UBE3B: variants seen among roughly 807,000 people sequenced by gnomAD.
UBE3B encodes ubiquitin protein ligase E3B, also known as ubiquitin-protein ligase E3B.
In UBE3B, 80 loss-of-function variants were observed where a neutral mutation model predicts 132.3. The ratio of observed to expected loss-of-function variants is 0.60; its 90% CI spans 0.50 to 0.73. The LOEUF (loss-of-function observed/expected upper bound fraction) is 0.73, where lower values mean the gene tolerates loss of function less well. Ranked by LOEUF, UBE3B falls within the 30% of genes least tolerant of loss-of-function variation. The pLI, the probability that UBE3B is intolerant of heterozygous loss-of-function variation, is 0.00. For missense variants in UBE3B, 1,196 were observed against 1,362.5 expected, an observed-to-expected ratio of 0.88 and a Z score of 1.92; for synonymous variants, 487 against 520.4, an observed-to-expected ratio of 0.94 and a Z score of 0.87.
Position 109,503,092 on chromosome 12 carries a change from G to A in UBE3B, c.1352G>A (p.Arg451Gln), listed in dbSNP as rs373048861. The change falls in exon 14 of 28, where the codon CGG becomes CAG. Residue 451 changes from arginine (R) to glutamine (Q), a missense_variant. Physicochemically the swap from Arg to Gln is conservative, Grantham distance 43. Transcript: ENST00000342494. ...RNILRPVGGK[R>Q]VDSAEVQKVC... ...ATTCTCAGGCCTGTCGGGGGTAAAC[G>A]GGTCGACTCTGCAGAAGTCCAGAAG... The A allele has an allele frequency of 5.0e-6, 8 of 1,614,038 alleles. No homozygotes were observed. The highest frequency in any genetic ancestry group is 1.3e-5 in the African/African-American group (1 of 74,912).
At chr12:109,526,563 G>A in intron 24 of UBE3B, 147 bp downstream of exon 24, 1 of 842,674 alleles carries the variant, frequency 1.2e-6, no homozygotes, top group East Asian at 2.7e-5. Context: ...ACAGTTCATA[G>A]GCCAGAATTG....
chr12:109,500,504 T>G (rs1338158899), intron 12 of UBE3B, among the ~76,000 whole-genome samples: 3 of 152,178 alleles, frequency 2.0e-5, no homozygotes, highest in Non-Finnish European at 4.4e-5. Context: ...TTGTTGTACC[T>G]GAGTGACATC....
At chr12:109,493,279 G>C (rs1378132778) in intron 9 of UBE3B, among the ~76,000 whole-genome samples, 1 of 152,168 alleles carries the variant, frequency 6.6e-6, no homozygotes, top group Non-Finnish European at 1.5e-5. Flanking sequence ...GGCAGACACA[G>C]TGAAGGTCAG....
chr12:109,508,398 C>T (rs368155159), intron 15 of UBE3B: 18 of 455,418 alleles, frequency 4.0e-5, no homozygotes, highest in Admixed American at 6.4e-5. Context: ...AAAAAAACAG[C>T]GTCAAATACT....
chr12:109,530,026 C>T lies in UBE3B; in HGVS notation c.2764C>T (p.Arg922Cys), dbSNP rs202144137. 364 of 1,613,856 alleles carry T rather than the reference C, an allele frequency of 2.3e-4. 1 individual carries two copies. The highest frequency in any genetic ancestry group is 5.0e-5 in the Admixed American group (3 of 59,986). ...AATGTTCTCAACTCCTGAACTGCAG[C>T]GTCTCATCTCTGGCGACAATGCTGA... ...IRMFSTPELQ[R>C]LISGDNAEID... The change falls in exon 25 of 28, where the codon CGT becomes TGT. Residue 922 changes from arginine (R) to cysteine (C), a missense_variant. Transcript: ENST00000342494.
chr12:109,493,118 AG>A (rs1211685849), intron 9 of UBE3B, among the ~76,000 whole-genome samples: 1 of 152,226 alleles, frequency 6.6e-6, no homozygotes. Flanking sequence ...TCATACTTCT[AG>A]GGAAGTTATG....
chr12:109,525,195 C>T (rs1466633513), intron 23 of UBE3B, among the ~76,000 whole-genome samples: 1 of 152,194 alleles, frequency 6.6e-6, no homozygotes, highest in Non-Finnish European at 1.5e-5. Flanking sequence ...TGGGCCCAGT[C>T]TGTAAGCACC....
chr12:109,490,974 T>C (rs1877375760), intron 8 of UBE3B, 71 bp from the exon 9 acceptor site: 2 of 1,519,656 alleles, frequency 1.3e-6, no homozygotes, highest in Admixed American at 1.8e-5. Flanking sequence ...CAGTTTACTT[T>C]TTTGCTCTTT....
rs1881806421 is a variant in UBE3B, at chr12:109,522,299, G to A, written c.2364+748G>A. On this transcript the variant is annotated intron_variant, in intron 21 of 27. Coordinates refer to ENST00000342494, the MANE Select transcript of UBE3B (RefSeq NM_130466.4). The surrounding 1 kb of genome is among the most constrained non-coding windows in gnomAD (Gnocchi z 4.2). ...CACTCTGTGGCCTGATGGGGTCAGG[G>A]TGATGTGGCCCACACAGCTCCTGTC... Among the ~76,000 whole-genome samples the A allele has an allele frequency of 1.3e-5, 2 of 152,184 alleles. No individual in the cohort carries two copies. The highest frequency in any genetic ancestry group is 3.9e-4 in the East Asian group (2 of 5,186).
chr12:109,502,928 C>A, intron 13 of UBE3B, 95 bp from the exon 14 acceptor site: 2 of 1,485,836 alleles, frequency 1.3e-6, no homozygotes, highest in Non-Finnish European at 9.3e-7. Context: ...CCTGGCTGTG[C>A]ATTTAGAGCT....
chr12:109,524,012 TC>T lies in UBE3B; in HGVS notation c.2401del (p.Leu801Ter). ...GTGGACGTGCCATTTGCATCCTTCT[TC>T]CTGAGCCAACTGCTTGGGCACCACC... is the stretch of plus-strand genomic sequence containing the variant. ...IVVDVPFASF[F>X]LSQLLGHHHS... On this transcript the variant is annotated frameshift_variant, in exon 22 of 28. Transcript: ENST00000342494. LOFTEE classifies it high-confidence loss of function. The T allele has an allele frequency of 6.2e-7, 1 of 1,614,130 alleles. No individual in the cohort carries two copies. Among genetic ancestry groups the T allele is most frequent in the Non-Finnish European group, 8.5e-7 (1 of 1,180,014 alleles).
intron 7 of UBE3B, among the ~76,000 whole-genome samples, chr12:109,489,358 T>C (rs909499921): frequency 6.6e-6 from 1 of 152,150 alleles, no homozygotes; most frequent in Non-Finnish European, 1.5e-5. Flanking sequence ...TTGGTCTGGG[T>C]CTCTAGCTTT....
the UBE3B span, among the ~76,000 whole-genome samples, chr12:109,546,915 G>C: frequency 6.6e-6 from 1 of 152,112 alleles, no homozygotes; most frequent in Admixed American, 6.5e-5. Context: ...TTGCAATGTT[G>C]CTCAGGCTGG....
chr12:109,503,020 C>G lies in UBE3B; in HGVS notation c.1283-3C>G. 6.2e-7 allele frequency: 1 copy of G among 1,614,104 alleles called. No homozygotes were observed. Among genetic ancestry groups the G allele is most frequent in the Non-Finnish European group, 8.5e-7 (1 of 1,180,020 alleles). The stretch of plus-strand genomic sequence containing the variant: ...CTCACATGTCTTCTTTTCTCCATGC[C>G]AGGTCTCCTAAAGCGTGCTTTTCAA... On this transcript the variant is annotated splice_region_variant and splice_polypyrimidine_tract_variant and intron_variant, in intron 13 of 27. Coordinates refer to ENST00000342494, the MANE Select transcript of UBE3B (RefSeq NM_130466.4).
At chr12:109,528,581 C>A in intron 24 of UBE3B, 1 of 822,196 alleles carries the variant, frequency 1.2e-6, no homozygotes, top group Non-Finnish European at 1.5e-6. Flanking sequence ...AGGCTGGGTG[C>A]GTTGGCTCAC....
chr12:109,495,868 G>A (rs1244567952), intron 9 of UBE3B, among the ~76,000 whole-genome samples: 1 of 152,226 alleles, frequency 6.6e-6, no homozygotes, highest in Non-Finnish European at 1.5e-5. Context: ...CCTCATTCCA[G>A]TAGACCTACA....
chr12:109,481,863 A>T (rs536721582), intron 2 of UBE3B, 121 bp downstream of exon 2: 7 of 152,264 alleles, frequency 4.6e-5, no homozygotes, highest in African/African-American at 9.6e-5. Flanking sequence ...GTGTTTTTTT[A>T]AAAAAGTTGA....
intron 24 of UBE3B, among the ~76,000 whole-genome samples, chr12:109,527,198 G>A (rs1882441953): frequency 6.6e-6 from 1 of 152,186 alleles, no homozygotes; most frequent in Non-Finnish European, 1.5e-5. Flanking sequence ...GAGACTCTGA[G>A]GCCCAGCAAC....
At chr12:109,503,498 G>A (rs7955932) in intron 14 of UBE3B, among the ~76,000 whole-genome samples, 25,887 of 151,816 alleles carry the variant, frequency 0.17, 2,263 homozygotes, top group African/African-American at 0.19. Flanking sequence ...AAAAAAAAAG[G>A]AAAAAGAAAA....
Sources: allele counts gnomAD v4.1 joint callset (sites outside exome capture counted in the v4.1 genomes callset), GRCh38; gene constraint gnomAD v4.1.1; non-coding constraint Gnocchi (gnomAD v3.1); transcripts MANE v1.5; gene names NCBI Gene and HGNC (gene_info 2026-07-23, HGNC 2026-07-21).